Variants in EPHA3 observed in about 807,000 individuals in gnomAD.
The protein encoded by EPHA3 is ephrin type-A receptor 3.
A neutral mutation model predicts 107.1 loss-of-function variants in EPHA3; 42 were observed. The observed-to-expected ratio is 0.39, with a 90% CI of 0.31 to 0.51. The LOEUF (loss-of-function observed/expected upper bound fraction) is 0.51. Among genes scored for constraint, EPHA3 ranks in the 20% least tolerant of loss-of-function variants. The probability of loss-of-function intolerance (pLI) is 0.78; values close to 1 mark genes in which losing one functional copy is unlikely to be tolerated. For missense variants in EPHA3, 1,183 were observed against 1,211.2 expected, an observed-to-expected ratio of 0.98 and a Z score of 0.35; for synonymous variants, 461 against 424.8, an observed-to-expected ratio of 1.09 and a Z score of -1.05.
At chr3:89,108,724 C>T (rs1422155954) in intron 1 of EPHA3, among the ~76,000 whole-genome samples, 1 of 152,118 alleles carries the variant, frequency 6.6e-6, no homozygotes, top group African/African-American at 2.4e-5. Context: ...AGATTGTGTA[C>T]TTAATACATA....
At chr3:89,471,436 T>C (rs1244666845) in intron 15 of EPHA3, among the ~76,000 whole-genome samples, 1 of 152,186 alleles carries the variant, frequency 6.6e-6, no homozygotes, top group East Asian at 1.9e-4. Context: ...TGGCATGAAC[T>C]CGGCTCACCG....
chr3:89,467,242 A>G (rs960838093), intron 15 of EPHA3, among the ~76,000 whole-genome samples: 2 of 152,190 alleles, frequency 1.3e-5, no homozygotes, highest in African/African-American at 4.8e-5. Flanking sequence ...TACGGAAAAA[A>G]TATATTACTA....
At chr3:89,339,293 T>C (rs563064724) in intron 3 of EPHA3, among the ~76,000 whole-genome samples, 1 of 145,908 alleles carries the variant, frequency 6.9e-6, no homozygotes, top group South Asian at 2.1e-4. Flanking sequence ...ATAGCTTGAA[T>C]CTGGAAGGCA....
intron 2 of EPHA3, among the ~76,000 whole-genome samples, chr3:89,205,561 C>T (rs1391338927): frequency 6.6e-6 from 1 of 152,010 alleles, no homozygotes; most frequent in Non-Finnish European, 1.5e-5. Context: ...ACAAGGAACC[C>T]TATGTGGTCT....
chr3:89,133,146 A>C (rs1392485361), intron 2 of EPHA3, among the ~76,000 whole-genome samples: 5 of 152,134 alleles, frequency 3.3e-5, no homozygotes, highest in Admixed American at 2.0e-4. Context: ...TGTCTCCTTA[A>C]ATCTCAGTCT....
Position 89,203,498 on chromosome 3 carries a change from G to C in EPHA3, c.154-6362G>C, listed in dbSNP as rs369652297. 8.5e-5 allele frequency among the ~76,000 whole-genome samples: 13 copies of C among 152,156 alleles called. No homozygotes were observed. The East Asian group carries it at 2.1e-3, about 25-fold the overall frequency. On this transcript the variant is annotated intron_variant, in intron 2 of 16. Coordinates refer to ENST00000336596, the MANE Select transcript of EPHA3 (RefSeq NM_005233.6). ...AAAAATAACTTAAAGCTCCGGCTGGGCGCGGTGGCTCAAGCCTGTAAACCT... is the reference window on the plus strand; with the variant it reads ...AAAAATAACTTAAAGCTCCGGCTGGCCGCGGTGGCTCAAGCCTGTAAACCT...
intron 2 of EPHA3, among the ~76,000 whole-genome samples, chr3:89,130,788 C>T (rs1209252727): frequency 6.6e-6 from 1 of 152,148 alleles, no homozygotes; most frequent in Non-Finnish European, 1.5e-5. Context: ...GCGCCCGCCA[C>T]CACGCTCAGC....
intron 2 of EPHA3, among the ~76,000 whole-genome samples, chr3:89,147,277 C>A (rs181291980): frequency 1.1e-4 from 17 of 151,860 alleles, no homozygotes; most frequent in African/African-American, 2.9e-4. Context: ...GTACATCAAA[C>A]TGCCATGGCA....
intron 13 of EPHA3, among the ~76,000 whole-genome samples, chr3:89,447,912 A>G (rs1388407461): frequency 6.6e-6 from 1 of 152,160 alleles, no homozygotes; most frequent in East Asian, 1.9e-4. Flanking sequence ...CTTCAAATCC[A>G]GTGGCATGCT....
intron 5 of EPHA3, among the ~76,000 whole-genome samples, chr3:89,353,348 A>T (rs894549365): frequency 5.3e-5 from 8 of 151,380 alleles, no homozygotes; most frequent in African/African-American, 1.5e-4. Flanking sequence ...AATGAAAATC[A>T]CCTAACAAAA....
At chr3:89,188,924 C>T (rs1327452086) in intron 2 of EPHA3, among the ~76,000 whole-genome samples, 1 of 152,148 alleles carries the variant, frequency 6.6e-6, no homozygotes, top group African/African-American at 2.4e-5. Flanking sequence ...CTAACAGCCT[C>T]TATCCCCAGT....
intron 10 of EPHA3, 125 bp downstream of exon 10, chr3:89,413,391 T>G (rs189153661): frequency 2.5e-6 from 3 of 1,212,568 alleles, no homozygotes; most frequent in Non-Finnish European, 3.6e-6. Context: ...AGGCAAGTAA[T>G]AAATAAGTGC....
intron 2 of EPHA3, among the ~76,000 whole-genome samples, chr3:89,206,742 G>A (rs1382469645): frequency 6.6e-6 from 1 of 152,124 alleles, no homozygotes; most frequent in African/African-American, 2.4e-5. Flanking sequence ...TAAGAACTGA[G>A]ACGCTCAGTT....
intron 3 of EPHA3, among the ~76,000 whole-genome samples, chr3:89,313,482 T>C (rs1706815000): frequency 6.6e-6 from 1 of 151,964 alleles, no homozygotes; most frequent in South Asian, 2.1e-4. Context: ...TATGTAATTT[T>C]CAATCCTCCA....
chr3:89,210,512 T>A lies in EPHA3; in HGVS notation c.806T>A (p.Met269Lys). 1 of 1,545,572 alleles carries A rather than the reference T, an allele frequency of 6.5e-7. No homozygotes were observed. Among genetic ancestry groups the A allele is most frequent in the East Asian group, 2.3e-5 (1 of 44,416 alleles). ...CNAGYEERGF[M>K]CQACRPGFYK... Reference sequence around the variant, plus strand: ...GCTGGCTATGAAGAAAGAGGTTTTATGTGCCAAGGTAAGAGCCTTCTCTAT... The same window carrying A: ...GCTGGCTATGAAGAAAGAGGTTTTAAGTGCCAAGGTAAGAGCCTTCTCTAT... The change falls in exon 3 of 17, where the codon ATG (methionine) becomes AAG (lysine). Residue 269 changes from methionine to lysine, a missense_variant. Coordinates refer to ENST00000336596, the MANE Select transcript of EPHA3 (RefSeq NM_005233.6).
At chr3:89,287,044 C>T (rs1253953637) in intron 3 of EPHA3, among the ~76,000 whole-genome samples, 1 of 152,156 alleles carries the variant, frequency 6.6e-6, no homozygotes, top group East Asian at 1.9e-4. Context: ...TAGAACCTGA[C>T]TACTGGCAAG....
At position 89,395,925 on chromosome 3, in the gene EPHA3, G is replaced by C; in HGVS notation, c.1395G>C (p.Gly465=). ...LSWQEPEHPN[G]IILDYEVKYY... ...GGCAAGAACCTGAACATCCTAATGG[G>C]ATCATATTGGACTACGAGGTCAAAT... is the stretch of plus-strand genomic sequence containing the variant. The change falls in exon 6 of 17, where the codon GGG becomes GGC. Residue 465 remains glycine (G), a synonymous_variant. Coordinates refer to ENST00000336596, the MANE Select transcript of EPHA3 (RefSeq NM_005233.6). 1.2e-6 allele frequency: 2 copies of C among 1,613,924 alleles called. No homozygotes were observed. The highest frequency in any genetic ancestry group is 1.7e-6 in the Non-Finnish European group (2 of 1,179,920).
Position 89,108,498 on chromosome 3 carries a change from G to A in EPHA3, c.88+662G>A, listed in dbSNP as rs1164369907. On this transcript the variant is annotated intron_variant, in intron 1 of 16. Transcript: ENST00000336596. ...TAGGTTGGATTCTCTTTGTTTAAAG[G>A]CTTATATACAAATAGGAGAATGTAT... 3.3e-5 allele frequency among the ~76,000 whole-genome samples: 5 copies of A among 152,126 alleles called. No individual in the cohort carries two copies. The East Asian group carries it at 9.6e-4, about 29-fold the overall frequency.
At chr3:89,305,745 A>G (rs945612164) in intron 3 of EPHA3, among the ~76,000 whole-genome samples, 2 of 151,822 alleles carry the variant, frequency 1.3e-5, no homozygotes, top group Admixed American at 6.6e-5. Flanking sequence ...CCCATGTTTG[A>G]CTCCAGTCTC....
Sources: gnomAD v4.1 joint callset for allele counts (sites outside exome capture counted in the v4.1 genomes callset) on GRCh38, gnomAD v4.1.1 for gene constraint, MANE v1.5 for transcripts, NCBI Gene and HGNC (gene_info 2026-07-23, HGNC 2026-07-21) for gene names.